The following MRTFA variants were observed in gnomAD, a reference collection of about 807,000 sequenced individuals.
MRTFA encodes the protein myocardin related transcription factor A, also known as myocardin-related transcription factor A.
Under a neutral mutation model 83.5 loss-of-function variants are expected in MRTFA, and 20 were observed. The observed-to-expected ratio is 0.24, with a 90% CI of 0.17 to 0.35. MRTFA has a LOEUF of 0.35. MRTFA is among the 10% of genes least tolerant of loss of function. The pLI is 1.00. For synonymous variants in MRTFA, 659 were observed against 541.2 expected (o/e 1.22, Z -3.02); for missense variants, 1,200 against 1,224.7 (o/e 0.98, Z 0.30).
chr22:40,533,907 C>T (rs2055124193), intron 3 of MRTFA: 1 of 325,214 alleles, frequency 3.1e-6, no homozygotes, highest in Non-Finnish European at 5.6e-6. Context: ...CAAGCTCCTC[C>T]CCTTGCTATT....
intron 3 of MRTFA, among the ~76,000 whole-genome samples, chr22:40,470,600 T>A (rs1357198147): frequency 6.6e-6 from 1 of 151,538 alleles, no homozygotes; most frequent in African/African-American, 2.4e-5. Context: ...AAAGAGCAAA[T>A]TAAACCATGG....
At chr22:40,473,691 TGGGTG>T (rs1442066433) in intron 3 of MRTFA, among the ~76,000 whole-genome samples, 1 of 152,226 alleles carries the variant, frequency 6.6e-6, no homozygotes, top group Middle Eastern at 3.2e-3. Context: ...AGGAACAGGT[TGGGTG>T]CTAGCCTTAA....
chr22:40,625,449 CTAAATAAATAAATAAATAAATAAA>C (rs60700777), intron 1 of MRTFA, among the ~76,000 whole-genome samples: 5 of 137,488 alleles, frequency 3.6e-5, no homozygotes, highest in African/African-American at 1.4e-4. Context: ...GGCCCTCTCT[CTAAATAAATAAATAAATAAATAAA>C]TAAATAAATA....
chr22:40,606,980 A>C (rs1243133818), intron 1 of MRTFA, among the ~76,000 whole-genome samples: 2 of 152,364 alleles, frequency 1.3e-5, no homozygotes, highest in East Asian at 3.9e-4. Flanking sequence ...CATACATACA[A>C]AAATAACTAT....
intron 10 of MRTFA, 99 bp downstream of exon 10, chr22:40,420,748 C>A: frequency 1.3e-6 from 2 of 1,567,090 alleles, no homozygotes; most frequent in Non-Finnish European, 1.7e-6. Flanking sequence ...ACCAGCGGGT[C>A]CTTAAAGATG....
At chr22:40,518,795 C>CAAAAAAA (rs879690699) in intron 3 of MRTFA, among the ~76,000 whole-genome samples, 4 of 68,144 alleles carry the variant, frequency 5.9e-5, no homozygotes, top group East Asian at 6.7e-4. Context: ...ACTCTGTCTC[C>CAAAAAAA]AAAAAAAAAA....
intron 10 of MRTFA, 43 bp from the exon 11 acceptor site, chr22:40,420,619 G>C: frequency 1.9e-6 from 3 of 1,599,086 alleles, no homozygotes; most frequent in Non-Finnish European, 2.6e-6. Flanking sequence ...AGCTTCGCCC[G>C]TGGCCTCTGC....
intron 12 of MRTFA, 137 bp downstream of exon 12, chr22:40,418,237 C>A: frequency 1.4e-6 from 2 of 1,454,806 alleles, no homozygotes; most frequent in Non-Finnish European, 1.8e-6. Context: ...GTCTCAGTAC[C>A]CCCCTGGTGA....
intron 3 of MRTFA, among the ~76,000 whole-genome samples, chr22:40,495,131 T>C (rs1028011357): frequency 6.6e-6 from 1 of 151,854 alleles, no homozygotes; most frequent in African/African-American, 2.4e-5. Flanking sequence ...CCCAGCACTT[T>C]GGGAGGCTGA....
intron 4 of MRTFA, among the ~76,000 whole-genome samples, chr22:40,448,532 CA>C (rs1467233787): frequency 6.6e-6 from 1 of 152,196 alleles, no homozygotes; most frequent in Non-Finnish European, 1.5e-5. Context: ...AAATAACAGA[CA>C]ACAGTGATTT....
Position 40,480,676 on chromosome 22 carries a change from G to A in MRTFA, c.242-17390C>T, listed in dbSNP as rs185345369. ...AAAGGTTATTCAGGCTGGGCATGAT[G>A]GTTCGCACCTGTAATCCCTGCACTT... On this transcript the variant is annotated intron_variant, in intron 3 of 14. Coordinates refer to ENST00000355630, the MANE Select transcript of MRTFA (RefSeq NM_020831.6). Among the ~76,000 whole-genome samples, 16 of 151,792 alleles carry A rather than the reference G, an allele frequency of 1.1e-4. 1 individual carries two copies. The highest frequency in any genetic ancestry group is 5.2e-4 in the Admixed American group (8 of 15,270).
intron 3 of MRTFA, among the ~76,000 whole-genome samples, chr22:40,538,990 G>GT (rs1329210578): frequency 2.7e-4 from 32 of 119,294 alleles, no homozygotes; most frequent in South Asian, 5.8e-4. Flanking sequence ...ACAGCCTTTT[G>GT]TTTTTTTTTT....
At chr22:40,514,044 T>A (rs1475592737) in intron 3 of MRTFA, among the ~76,000 whole-genome samples, 1 of 151,642 alleles carries the variant, frequency 6.6e-6, no homozygotes, top group Non-Finnish European at 1.5e-5. Flanking sequence ...CTGAGTGAGG[T>A]GAAGAGATAG....
chr22:40,525,088 G>A (rs2054943562), intron 3 of MRTFA, among the ~76,000 whole-genome samples: 1 of 152,088 alleles, frequency 6.6e-6, no homozygotes, highest in Admixed American at 6.6e-5. Flanking sequence ...GGGATTACAG[G>A]GGTGAGTCAC....
intron 3 of MRTFA, among the ~76,000 whole-genome samples, chr22:40,541,181 A>T (rs1436934875): frequency 9.9e-5 from 15 of 152,220 alleles, no homozygotes; most frequent in Admixed American, 9.8e-4. Context: ...GCTCACCTAC[A>T]GGATAATCTT....
At chr22:40,624,813 G>A (rs1386894530) in intron 1 of MRTFA, among the ~76,000 whole-genome samples, 1 of 152,196 alleles carries the variant, frequency 6.6e-6, no homozygotes, top group Non-Finnish European at 1.5e-5. Context: ...TGTCCAAATT[G>A]TATAAGTCAT....
intron 3 of MRTFA, among the ~76,000 whole-genome samples, chr22:40,480,012 T>A (rs771146032): frequency 7.9e-5 from 12 of 152,114 alleles, no homozygotes; most frequent in Admixed American, 2.0e-4. Context: ...AAGTGAAAGG[T>A]CTCTATATTG....
intron 3 of MRTFA, among the ~76,000 whole-genome samples, chr22:40,515,958 TA>T (rs2054750784): frequency 6.6e-6 from 1 of 152,172 alleles, no homozygotes; most frequent in African/African-American, 2.4e-5. Flanking sequence ...CAAACTTTTC[TA>T]AAAACATCCA....
chr22:40,544,864 G>A (rs1168357871), intron 3 of MRTFA, among the ~76,000 whole-genome samples: 1 of 151,948 alleles, frequency 6.6e-6, no homozygotes, highest in Non-Finnish European at 1.5e-5. Flanking sequence ...TTGAGCCCAG[G>A]AGATTGAGGC....
Sources: gnomAD v4.1 joint callset for allele counts (sites outside exome capture counted in the v4.1 genomes callset) on GRCh38, gnomAD v4.1.1 for gene constraint, MANE v1.5 for transcripts, NCBI Gene and HGNC (gene_info 2026-07-23, HGNC 2026-07-21) for gene names.